FAF1: variants seen among roughly 807,000 people sequenced by gnomAD.
The protein encoded by FAF1 is FAS-associated factor 1.
A neutral mutation model predicts 92.5 loss-of-function variants in FAF1; 25 were observed. That is an observed-to-expected ratio of 0.27 (90% CI 0.20 to 0.38). The LOEUF is 0.38. Among genes scored for constraint, FAF1 ranks in the 10% least tolerant of loss-of-function variants. The pLI, the probability that FAF1 is intolerant of heterozygous loss-of-function variation, is 1.00. For synonymous variants in FAF1, 234 were observed against 273.2 expected, an observed-to-expected ratio of 0.86 and a Z score of 1.42; for missense variants, 636 against 793.3, an observed-to-expected ratio of 0.80 and a Z score of 2.38.
At chr1:50,455,854 C>T (rs565290647) in intron 18 of FAF1, among the ~76,000 whole-genome samples, 1 of 152,160 alleles carries the variant, frequency 6.6e-6, no homozygotes, top group South Asian at 2.1e-4. Context: ...AGGTGCATCA[C>T]TTGAGGTCAG....
At chr1:50,485,689 A>AC (rs1446079436) in intron 17 of FAF1, among the ~76,000 whole-genome samples, 12 of 150,318 alleles carry the variant, frequency 8.0e-5, no homozygotes, top group African/African-American at 2.4e-4. Flanking sequence ...AAAAAAAAAA[A>AC]AAAAAAACCA....
intron 1 of FAF1, among the ~76,000 whole-genome samples, chr1:50,925,755 A>C (rs1645000983): frequency 6.6e-6 from 1 of 152,234 alleles, no homozygotes. Flanking sequence ...TATTTATCCA[A>C]AGGAAAGGAA....
chr1:50,689,449 T>C (rs967564433), intron 7 of FAF1, among the ~76,000 whole-genome samples: 5 of 152,106 alleles, frequency 3.3e-5, no homozygotes, highest in African/African-American at 1.2e-4. Context: ...CCAGGCATGG[T>C]GGCAGGCACC....
chr1:50,590,249 C>A (rs540905677), intron 9 of FAF1, among the ~76,000 whole-genome samples: 102 of 152,318 alleles, frequency 6.7e-4, no homozygotes, highest in Admixed American at 1.2e-3. Context: ...CTGCTTTGGG[C>A]ACTACAATAT....
chr1:50,786,346 A>G (rs879838613), intron 4 of FAF1, among the ~76,000 whole-genome samples: 3 of 152,226 alleles, frequency 2.0e-5, no homozygotes, highest in Non-Finnish European at 4.4e-5. Context: ...TAAGTGAAAT[A>G]AGCCATCACA....
At chr1:50,446,144 A>T (rs1646224919) in intron 18 of FAF1, among the ~76,000 whole-genome samples, 1 of 152,136 alleles carries the variant, frequency 6.6e-6, no homozygotes, top group South Asian at 2.1e-4. Context: ...TAACCCCTTC[A>T]TTTCATAGAA....
intron 4 of FAF1, among the ~76,000 whole-genome samples, chr1:50,787,180 A>G (rs1661392216): frequency 6.6e-6 from 1 of 152,234 alleles, no homozygotes; most frequent in Non-Finnish European, 1.5e-5. Context: ...GCAGGCATAT[A>G]CTTTCACCTC....
At chr1:50,491,930 G>A (rs928668261) in intron 15 of FAF1, 129 bp from the exon 16 acceptor site, 1 of 645,432 alleles carries the variant, frequency 1.5e-6, no homozygotes, top group Non-Finnish European at 2.7e-6. Flanking sequence ...CTTTTAAAGT[G>A]TATAGGACAT....
At chr1:50,694,554 G>GA (rs35983172) in intron 7 of FAF1, among the ~76,000 whole-genome samples, 1,849 of 130,668 alleles carry the variant, frequency 0.014, 36 homozygotes, top group African/African-American at 0.043. Flanking sequence ...CTATAGCCAG[G>GA]AAAAAAAAAA....
chr1:50,482,198 C>T (rs1259964056), intron 17 of FAF1, among the ~76,000 whole-genome samples: 32 of 152,048 alleles, frequency 2.1e-4, no homozygotes, highest in East Asian at 1.9e-4. Context: ...TTTGTGTTTT[C>T]CAGAATGTTA....
Position 50,784,590 on chromosome 1 carries a change from T to C in FAF1, c.367+3410A>G, listed in dbSNP as rs574488502. ...TGGTCATGGACTGAAAAATTTAACA[T>C]TGTTAAAATGTCCATACTATCCAAA... On this transcript the variant is annotated intron_variant, in intron 4 of 18. Coordinates refer to ENST00000396153, the MANE Select transcript of FAF1 (RefSeq NM_007051.3). Among the ~76,000 whole-genome samples the C allele has an allele frequency of 1.6e-3, 247 of 152,272 alleles. 2 individuals are homozygous for C. The highest frequency in any genetic ancestry group is 2.6e-3 in the Non-Finnish European group (175 of 68,006).
At chr1:50,752,182 G>A (rs1242443397) in intron 4 of FAF1, among the ~76,000 whole-genome samples, 1 of 152,108 alleles carries the variant, frequency 6.6e-6, no homozygotes, top group Non-Finnish European at 1.5e-5. Context: ...TGTTGGCCAG[G>A]CTGGTCTCGA....
chr1:50,701,754 T>C (rs779611577), intron 7 of FAF1, among the ~76,000 whole-genome samples: 18 of 152,118 alleles, frequency 1.2e-4, no homozygotes, highest in Non-Finnish European at 2.5e-4. Flanking sequence ...TTCAACTCTA[T>C]TGGCTTCCCA....
chr1:50,895,844 C>T (rs1049785007), intron 1 of FAF1, among the ~76,000 whole-genome samples: 2 of 152,004 alleles, frequency 1.3e-5, no homozygotes, highest in East Asian at 1.9e-4. Flanking sequence ...TTCAACATCC[C>T]TTCATGATTT....
chr1:50,686,567 A>AAGAGGAGGGAAGGGG (rs1557474905), intron 7 of FAF1, among the ~76,000 whole-genome samples: 10 of 125,696 alleles, frequency 8.0e-5, no homozygotes, highest in South Asian at 6.4e-4. Flanking sequence ...GAGGGGAGGG[A>AAGAGGAGGGAAGGGG]AGAGGAGGGA....
intron 8 of FAF1, among the ~76,000 whole-genome samples, chr1:50,631,742 T>A (rs1321903098): frequency 6.6e-6 from 1 of 152,186 alleles, no homozygotes; most frequent in Non-Finnish European, 1.5e-5. Context: ...ACAACCACAA[T>A]GTCTGTGGTA....
At chr1:50,811,546 A>G (rs147129986) in intron 2 of FAF1, among the ~76,000 whole-genome samples, 1 of 152,332 alleles carries the variant, frequency 6.6e-6, no homozygotes, top group Non-Finnish European at 1.5e-5. Context: ...AAGATTGCTC[A>G]AAGGTATCAC....
At chr1:50,796,110 A>G (rs1661740892) in intron 3 of FAF1, among the ~76,000 whole-genome samples, 1 of 152,180 alleles carries the variant, frequency 6.6e-6, no homozygotes, top group Non-Finnish European at 1.5e-5. Flanking sequence ...GTGCTGGCTG[A>G]AAACAGGGAA....
chr1:50,452,090 A>C (rs778049317), intron 18 of FAF1: 1 of 1,343,804 alleles, frequency 7.4e-7, no homozygotes, highest in Admixed American at 2.0e-5. Flanking sequence ...CTTAGTCTAA[A>C]AACAGGAGAT....
Sources: allele counts gnomAD v4.1 joint callset (sites outside exome capture counted in the v4.1 genomes callset), GRCh38; gene constraint gnomAD v4.1.1; transcripts MANE v1.5; gene names NCBI Gene and HGNC (gene_info 2026-07-23, HGNC 2026-07-21).